The following DAB1 variants were observed in gnomAD, a reference collection of about 807,000 sequenced individuals.
The protein encoded by DAB1 is disabled homolog 1.
A neutral mutation model predicts 64.6 loss-of-function variants in DAB1; 15 were observed. The observed-to-expected ratio is 0.23, with a 90% CI of 0.16 to 0.36. The LOEUF (loss-of-function observed/expected upper bound fraction) is 0.36. DAB1 is among the 10% of genes least tolerant of loss of function. DAB1 has a pLI of 1.00. For missense variants in DAB1, 596 were observed against 706.7 expected, an observed-to-expected ratio of 0.84 and a Z score of 1.78; for synonymous variants, 235 against 251.9, an observed-to-expected ratio of 0.93 and a Z score of 0.64.
intron 7 of DAB1, among the ~76,000 whole-genome samples, chr1:57,538,109 A>G (rs1362728901): frequency 6.6e-6 from 1 of 152,106 alleles, no homozygotes; most frequent in Non-Finnish European, 1.5e-5. Flanking sequence ...TTTCAACATG[A>G]GGTTTGGAGG....
chr1:57,765,311 C>T (rs1414746022), intron 6 of DAB1, among the ~76,000 whole-genome samples: 2 of 152,166 alleles, frequency 1.3e-5, no homozygotes, highest in African/African-American at 4.8e-5. Flanking sequence ...GACCAGAATA[C>T]ACTCAGCAGC....
At chr1:57,757,206 T>C (rs973173578) in intron 6 of DAB1, among the ~76,000 whole-genome samples, 2 of 139,350 alleles carry the variant, frequency 1.4e-5, no homozygotes, top group African/African-American at 2.5e-5. Flanking sequence ...GAATTTTTTT[T>C]TTTTTTTTTT....
chr1:57,929,768 A>G lies in DAB1; in HGVS notation n.388-45606T>C, dbSNP rs115612661. ...CAGGTACAAAGAGGGATCATGCCTG[A>G]TGCACACCCTGACATTATAACAACC... On this transcript the variant is annotated intron_variant and non_coding_transcript_variant, in intron 5 of 20. Coordinates refer to the DAB1 transcript ENST00000485760. 2.4e-3 allele frequency among the ~76,000 whole-genome samples: 362 copies of G among 152,272 alleles called. 1 individual carries two copies. Among genetic ancestry groups the G allele is most frequent in the African/African-American group, 8.3e-3 (345 of 41,556 alleles).
intron 4 of DAB1, among the ~76,000 whole-genome samples, chr1:58,280,808 G>A (rs371624361): frequency 6.6e-6 from 1 of 152,222 alleles, no homozygotes; most frequent in Admixed American, 6.5e-5. Context: ...GGGGCAGGGA[G>A]TGGGGGTGGC....
intron 3 of DAB1, among the ~76,000 whole-genome samples, chr1:57,138,186 T>G (rs1658291220): frequency 6.6e-6 from 1 of 152,146 alleles, no homozygotes; most frequent in South Asian, 2.1e-4. Context: ...CATCACCCAT[T>G]CATTCTCAAG....
intron 6 of DAB1, among the ~76,000 whole-genome samples, chr1:57,787,990 TAA>T (rs34931879): frequency 6.5e-4 from 98 of 150,594 alleles, no homozygotes; most frequent in African/African-American, 2.2e-3. Context: ...GATTAAATAT[TAA>T]AAAAAAAACA....
At chr1:57,287,949 C>A (rs1672459148) in intron 2 of DAB1, among the ~76,000 whole-genome samples, 1 of 151,990 alleles carries the variant, frequency 6.6e-6, no homozygotes, top group Admixed American at 6.6e-5. Flanking sequence ...GTGCGTGCCA[C>A]CATGCCTGAC....
chr1:58,457,751 T>A (rs1452238311), intron 3 of DAB1, among the ~76,000 whole-genome samples: 1 of 152,038 alleles, frequency 6.6e-6, no homozygotes, highest in Non-Finnish European at 1.5e-5. Context: ...GATGTAGGAG[T>A]CTTCTTTTAT....
At chr1:57,939,538 T>G (rs1166226841) in intron 5 of DAB1, among the ~76,000 whole-genome samples, 1 of 152,248 alleles carries the variant, frequency 6.6e-6, no homozygotes, top group Non-Finnish European at 1.5e-5. Flanking sequence ...CTCTCTATTC[T>G]TGCTTTCATC....
intron 4 of DAB1, among the ~76,000 whole-genome samples, chr1:57,112,803 A>C (rs999618452): frequency 1.3e-5 from 2 of 152,004 alleles, no homozygotes; most frequent in Non-Finnish European, 2.9e-5. Flanking sequence ...ATTCAGCCCT[A>C]ATAATGGGCC....
chr1:58,069,288 C>T (rs1649075346), intron 5 of DAB1, among the ~76,000 whole-genome samples: 2 of 152,166 alleles, frequency 1.3e-5, no homozygotes, highest in Non-Finnish European at 2.9e-5. Context: ...ACCCTCTTAA[C>T]CTCATACTTG....
chr1:58,201,720 G>A (rs904545429), intron 4 of DAB1, among the ~76,000 whole-genome samples: 16 of 152,178 alleles, frequency 1.1e-4, no homozygotes, highest in African/African-American at 3.4e-4. Context: ...ACTGATATCC[G>A]ATCTCCTGCT....
At position 57,304,696 on chromosome 1, in the gene DAB1, T is replaced by G. The variant is rs368577854; in HGVS notation, c.-136-13530A>C. On this transcript the variant is annotated intron_variant, in intron 1 of 14. Transcript: ENST00000371236. Reference sequence around the variant, plus strand: ...TTCATTACATATTGTTTGCCTTCCCTTCCCTCTATTTCATTTGCATATACT... The same window carrying G: ...TTCATTACATATTGTTTGCCTTCCCGTCCCTCTATTTCATTTGCATATACT... 4.6e-5 allele frequency among the ~76,000 whole-genome samples: 7 copies of G among 152,322 alleles called. No individual in the cohort carries two copies. The East Asian group carries it at 9.7e-4, about 21-fold the overall frequency.
intron 6 of DAB1, among the ~76,000 whole-genome samples, chr1:57,685,396 G>A (rs1220774926): frequency 6.6e-6 from 1 of 152,078 alleles, no homozygotes; most frequent in East Asian, 1.9e-4. Flanking sequence ...AACGATTGGA[G>A]CACCCAGATT....
intron 5 of DAB1, among the ~76,000 whole-genome samples, chr1:57,994,899 TA>T (rs5774384): frequency 0.96 from 145,200 of 151,762 alleles, 69,661 homozygotes; most frequent in Non-Finnish European, 0.99. Context: ...GTTTAGTGAT[TA>T]AAAAAAAAGA....
At chr1:57,282,259 TG>T (rs1671978688) in intron 2 of DAB1, among the ~76,000 whole-genome samples, 2 of 146,304 alleles carry the variant, frequency 1.4e-5, no homozygotes, top group South Asian at 4.4e-4. Flanking sequence ...CAAGAGCAAG[TG>T]CATAGGGTAA....
chr1:57,781,453 A>C (rs1650094141), intron 6 of DAB1, among the ~76,000 whole-genome samples: 1 of 151,882 alleles, frequency 6.6e-6, no homozygotes, highest in Admixed American at 6.6e-5. Context: ...ATTTAGAGAC[A>C]CCTATTTTAT....
chr1:57,162,856 A>C (rs1308443766), intron 2 of DAB1, among the ~76,000 whole-genome samples: 2 of 152,250 alleles, frequency 1.3e-5, no homozygotes, highest in African/African-American at 4.8e-5. Context: ...TCAATTATTT[A>C]CTGAGAAGGC....
chr1:58,200,839 T>C (rs1657957246), intron 4 of DAB1, among the ~76,000 whole-genome samples: 1 of 152,054 alleles, frequency 6.6e-6, no homozygotes, highest in South Asian at 2.1e-4. Context: ...AAAACATGAG[T>C]TGTTTAAAAC....
Sources: gnomAD v4.1 joint callset for allele counts (sites outside exome capture counted in the v4.1 genomes callset) on GRCh38, gnomAD v4.1.1 for gene constraint, MANE v1.5 for transcripts, NCBI Gene and HGNC (gene_info 2026-07-23, HGNC 2026-07-21) for gene names.